Variants in CABCOCO1 observed in about 807,000 individuals in gnomAD.
The protein encoded by CABCOCO1 is ciliary-associated calcium-binding coiled-coil protein 1.
Under a neutral mutation model 35.7 loss-of-function variants are expected in CABCOCO1, and 28 were observed. The observed-to-expected ratio is 0.78, with a 90% confidence interval of 0.58 to 1.07. The LOEUF is 1.07. Among genes scored for constraint, CABCOCO1 ranks in the 50% least tolerant of loss-of-function variants. The probability of loss-of-function intolerance (pLI) is 0.00; values close to 1 mark genes in which losing one functional copy is unlikely to be tolerated. For synonymous variants in CABCOCO1, 95 were observed against 100.1 expected (o/e 0.95, Z 0.30); for missense variants, 326 against 309.2 (o/e 1.05, Z -0.41).
At chr10:61,686,324 G>A in intron 4 of CABCOCO1, 139 bp downstream of exon 4, 1 of 637,544 alleles carries the variant, frequency 1.6e-6, no homozygotes, top group Non-Finnish European at 2.4e-6. Context: ...CAATAATTAG[G>A]TACTTAAATC....
intron 5 of CABCOCO1, among the ~76,000 whole-genome samples, chr10:61,694,025 C>T (rs1220128792): frequency 6.6e-6 from 1 of 151,772 alleles, no homozygotes; most frequent in African/African-American, 2.4e-5. Context: ...TGAATATTGG[C>T]CACATAGTTG....
chr10:61,701,571 T>C, intron 5 of CABCOCO1: 2 of 905,546 alleles, frequency 2.2e-6, no homozygotes, highest in Non-Finnish European at 2.6e-6. Context: ...TGGCAGGACT[T>C]GGGGGAATGA....
At chr10:61,676,921 G>A (rs559428130) in intron 2 of CABCOCO1, among the ~76,000 whole-genome samples, 6 of 151,952 alleles carry the variant, frequency 3.9e-5, no homozygotes, top group East Asian at 3.9e-4. Flanking sequence ...AAATTTAGCC[G>A]AGCGTGGTGG....
chr10:61,749,687 C>G (rs1180925560), intron 5 of CABCOCO1, among the ~76,000 whole-genome samples: 1 of 152,168 alleles, frequency 6.6e-6, no homozygotes, highest in Non-Finnish European at 1.5e-5. Flanking sequence ...TTTTTGGAAT[C>G]CATAATGAAC....
intron 2 of CABCOCO1, among the ~76,000 whole-genome samples, chr10:61,680,732 T>TTCTGAG (rs1839763931): frequency 1.5e-5 from 1 of 64,820 alleles, no homozygotes; most frequent in Admixed American, 2.2e-4. Flanking sequence ...ATATTATATA[T>TTCTGAG]ATAATATATA....
At chr10:61,751,762 G>A (rs1027992076) in intron 5 of CABCOCO1, among the ~76,000 whole-genome samples, 1 of 152,044 alleles carries the variant, frequency 6.6e-6, no homozygotes. Flanking sequence ...GACTAGAGAC[G>A]ACCTAGTCCA....
chr10:61,750,989 T>C (rs1158643676), intron 5 of CABCOCO1, among the ~76,000 whole-genome samples: 3 of 152,068 alleles, frequency 2.0e-5, no homozygotes. Context: ...ATGTGACAAA[T>C]ACTATGAAGT....
At chr10:61,670,031 A>C (rs1191398188) in intron 1 of CABCOCO1, among the ~76,000 whole-genome samples, 1 of 152,110 alleles carries the variant, frequency 6.6e-6, no homozygotes, top group African/African-American at 2.4e-5. Context: ...GCTTTTCATC[A>C]TGCTCCACTA....
At chr10:61,667,410 G>GTA (rs1839222218) in intron 1 of CABCOCO1, among the ~76,000 whole-genome samples, 1 of 150,162 alleles carries the variant, frequency 6.7e-6, no homozygotes, top group East Asian at 1.9e-4. Context: ...TTCTTGACAA[G>GTA]TATGTCTTCT....
chr10:61,724,141 T>C (rs1841087182), intron 5 of CABCOCO1, among the ~76,000 whole-genome samples: 1 of 152,076 alleles, frequency 6.6e-6, no homozygotes. Context: ...CTATATACTT[T>C]CCTGAAAAAA....
chr10:61,681,023 T>C (rs1839774899), intron 2 of CABCOCO1, 120 bp from the exon 3 acceptor site: 1 of 504,116 alleles, frequency 2.0e-6, no homozygotes, highest in Admixed American at 5.0e-5. Context: ...TGAAGCTTGA[T>C]GTAACTGAAT....
At chr10:61,731,150 G>A (rs1233459209) in intron 5 of CABCOCO1, among the ~76,000 whole-genome samples, 2 of 150,924 alleles carry the variant, frequency 1.3e-5, no homozygotes, top group Non-Finnish European at 2.9e-5. Flanking sequence ...TTGTACTTAA[G>A]AAATGCACAT....
At chr10:61,750,466 C>T (rs1014205302) in intron 5 of CABCOCO1, among the ~76,000 whole-genome samples, 1 of 152,096 alleles carries the variant, frequency 6.6e-6, no homozygotes, top group Non-Finnish European at 1.5e-5. Context: ...ATCCCAGCTA[C>T]TTGGGAGGCT....
rs181854514 is a variant in CABCOCO1, at chr10:61,753,487, G to A, written c.553-6572G>A. ...CTGAATTTAGTAGTTGAAGAGCTCC[G>A]GTATTTCATTTTCACAAGAGAGACG... On this transcript the variant is annotated intron_variant, in intron 5 of 7. Transcript: ENST00000648843. 1.1e-3 allele frequency among the ~76,000 whole-genome samples: 169 copies of A among 152,228 alleles called. 1 individual carries two copies. The highest frequency in any genetic ancestry group is 3.8e-3 in the African/African-American group (160 of 41,560).
At chr10:61,680,557 T>C (rs1419152158) in intron 2 of CABCOCO1, among the ~76,000 whole-genome samples, 2 of 107,538 alleles carry the variant, frequency 1.9e-5, no homozygotes, top group African/African-American at 7.3e-5. Context: ...TAACATATAA[T>C]ATATATTTGT....
intron 5 of CABCOCO1, among the ~76,000 whole-genome samples, chr10:61,698,117 T>G (rs1382648057): frequency 6.6e-6 from 1 of 152,180 alleles, no homozygotes; most frequent in East Asian, 1.9e-4. Context: ...GGTTATATCC[T>G]ATGTATGCAT....
intron 5 of CABCOCO1, among the ~76,000 whole-genome samples, chr10:61,746,113 T>C (rs1476145137): frequency 6.6e-6 from 1 of 152,220 alleles, no homozygotes; most frequent in African/African-American, 2.4e-5. Flanking sequence ...CCAGCAACCT[T>C]AGCCCTTCAC....
intron 5 of CABCOCO1, among the ~76,000 whole-genome samples, chr10:61,706,622 T>A (rs1272794979): frequency 6.6e-6 from 1 of 152,140 alleles, no homozygotes; most frequent in Non-Finnish European, 1.5e-5. Context: ...ATCTTGTATT[T>A]GCCTCTCCAG....
In CABCOCO1 at chr10:61,690,640, T is replaced by C. The variant is rs916938513; in HGVS notation, c.552+19T>C. ...AACTGAGGTAAGTAATTTATCTAGA[T>C]GGAACAAGTTAAGCAGAATCACTTA... On this transcript the variant is annotated intron_variant, in intron 5 of 7. Coordinates refer to ENST00000648843, the MANE Select transcript of CABCOCO1 (RefSeq NM_001366906.2). The C allele has an allele frequency of 6.6e-7, 1 of 1,521,536 alleles. No individual in the cohort carries two copies. Among genetic ancestry groups the C allele is most frequent in the African/African-American group, 1.4e-5 (1 of 72,906 alleles). The allele number at this position is 1,521,536 out of a possible 1,614,324, so 94.3% of individuals were successfully genotyped here.
Sources: allele counts gnomAD v4.1 joint callset (sites outside exome capture counted in the v4.1 genomes callset), GRCh38; gene constraint gnomAD v4.1.1; transcripts MANE v1.5; gene names NCBI Gene and HGNC (gene_info 2026-07-23, HGNC 2026-07-21).